Variants in ATG7 observed in about 807,000 individuals in gnomAD.
The protein encoded by ATG7 is autophagy related 7, also known as ubiquitin-like modifier-activating enzyme ATG7.
ATG7 carries 70 observed loss-of-function variants against 82.4 expected under a neutral mutation model. That is an observed-to-expected ratio of 0.85 (90% CI 0.70 to 1.04). The LOEUF is 1.04. Ranked by LOEUF, ATG7 falls within the 50% of genes least tolerant of loss-of-function variation. The pLI, the probability that ATG7 is intolerant of heterozygous loss-of-function variation, is 0.00. For synonymous variants in ATG7, 287 were observed against 313.0 expected (o/e 0.92, Z 0.88); for missense variants, 792 against 864.3 (o/e 0.92, Z 1.05).
At chr3:11,391,367 A>G (rs1451108116) in intron 19 of ATG7, among the ~76,000 whole-genome samples, 1 of 152,172 alleles carries the variant, frequency 6.6e-6, no homozygotes, top group Non-Finnish European at 1.5e-5. Flanking sequence ...ATGGGGAAGG[A>G]TGAATTCTCA....
At chr3:11,452,410 G>GAAAAAAAAAAAAAAAAAA (rs2085286455) in intron 20 of ATG7, among the ~76,000 whole-genome samples, 1 of 110,720 alleles carries the variant, frequency 9.0e-6, no homozygotes. Context: ...AAAAAAAAAG[G>GAAAAAAAAAAAAAAAAAA]AAATGTTCTG....
intron 19 of ATG7, among the ~76,000 whole-genome samples, chr3:11,417,805 A>ATTTTTTTTTTTTTTTTTTTTTTTTT (rs200364263): frequency 4.0e-4 from 21 of 52,740 alleles, no homozygotes; most frequent in South Asian, 1.4e-3. Flanking sequence ...TTATTATTTT[A>ATTTTTTTTTTTTTTTTTTTTTTTTT]TTTTATTTTA....
In ATG7 at chr3:11,299,403, A is replaced by G; in HGVS notation, c.202A>G (p.Ser68Gly). 3 of 1,611,312 alleles carry G rather than the reference A, an allele frequency of 1.9e-6. No individual in the cohort carries two copies. Among genetic ancestry groups the G allele is most frequent in the Non-Finnish European group, 8.5e-7 (1 of 1,177,446 alleles). ...GCCAGCTCGCTTAACATTGGAGTTC[A>G]GTGCTTTTGACATGTGAGTATTTAT... ...GLPARLTLEF[S>G]AFDMSAPTPA... The change falls in exon 5 of 21, where the codon AGT becomes GGT. Residue 68 changes from serine (S) to glycine (G), a missense_variant. Ser to Gly is a moderately conservative substitution (Grantham distance 56). Coordinates refer to ENST00000693202, the MANE Select transcript of ATG7 (RefSeq NM_001349232.2).
At position 11,412,010 on chromosome 3, in the gene ATG7, G is replaced by A. The variant is rs199899189; in HGVS notation, c.1957-14794G>A. Among the ~76,000 whole-genome samples, 13 of 150,004 alleles carry A rather than the reference G, an allele frequency of 8.7e-5. No homozygotes were observed. In the East Asian group the frequency reaches 9.8e-4, roughly 11 times the overall value. ...TTTTACTGAAACACCAGGGTATTCT[G>A]TCTAGGTCCTGCTGCTGCTTGGTGC... On this transcript the variant is annotated intron_variant, in intron 19 of 20. Coordinates refer to ENST00000693202, the MANE Select transcript of ATG7 (RefSeq NM_001349232.2).
intron 1 of ATG7, among the ~76,000 whole-genome samples, chr3:11,279,697 C>CA (rs1224604991): frequency 6.6e-6 from 1 of 151,640 alleles, no homozygotes; most frequent in African/African-American, 2.4e-5. Flanking sequence ...GACTCCGTCT[C>CA]AAAAAACAAA....
At chr3:11,551,162 G>A (rs774733218) in intron 20 of ATG7, among the ~76,000 whole-genome samples, 18 of 152,036 alleles carry the variant, frequency 1.2e-4, no homozygotes, top group Non-Finnish European at 1.8e-4. Flanking sequence ...TGTACTCGTC[G>A]TGTCCTGCGG....
chr3:11,469,988 CAAAAAA>C (rs10628540), intron 20 of ATG7, among the ~76,000 whole-genome samples: 25,007 of 87,518 alleles, frequency 0.29, 2,983 homozygotes, highest in Admixed American at 0.48. Context: ...GACTCCATCT[CAAAAAA>C]AAAAAAAAAA....
At chr3:11,503,755 C>CAAAAAAAAAAAAAAAAA (rs34065629) in intron 20 of ATG7, among the ~76,000 whole-genome samples, 2 of 76,964 alleles carry the variant, frequency 2.6e-5, no homozygotes, top group African/African-American at 5.1e-5. Flanking sequence ...GACTCTGTCT[C>CAAAAAAAAAAAAAAAAA]AAAAAAAAAA....
At chr3:11,290,505 TG>T (rs112240421) in intron 3 of ATG7, 1 of 341,010 alleles carries the variant, frequency 2.9e-6, no homozygotes, top group African/African-American at 2.2e-5. Context: ...TTTTTACTTT[TG>T]GTAGTGGATC....
rs182812709 is a variant in ATG7 at position 11,506,504 on chromosome 3, G to T, written c.2080-48307G>T. On this transcript the variant is annotated intron_variant, in intron 20 of 20. Transcript: ENST00000693202. ...AGGCCAAGGTGGGCAGATCACTTGA[G>T]GTCAGGAGTTTGAGACCAGCCTGGT... 2.2e-3 allele frequency among the ~76,000 whole-genome samples: 305 copies of T among 139,274 alleles called. 1 individual carries two copies. The highest frequency in any genetic ancestry group is 8.0e-3 in the African/African-American group (291 of 36,216). 91.4% of individuals were successfully genotyped at this position (139,274 alleles called of 152,430 possible). A position where few individuals can be genotyped will look rare whatever the true frequency, so the allele number is the denominator to read the frequency against.
intron 17 of ATG7, chr3:11,363,219 TAGAA>T: frequency 4.8e-6 from 1 of 209,092 alleles, no homozygotes; most frequent in South Asian, 1.1e-4. Flanking sequence ...CTAAGCACCT[TAGAA>T]ATTTTGCCTC....
chr3:11,554,817 G>T lies in ATG7; in HGVS notation c.2086G>T (p.Asp696Tyr). 1.9e-6 allele frequency: 3 copies of T among 1,613,442 alleles called. No homozygotes were observed. Among genetic ancestry groups the T allele is most frequent in the Non-Finnish European group, 2.5e-6 (3 of 1,179,762 alleles). The change falls in exon 21 of 21, where the codon GAC (aspartate) becomes TAC (tyrosine). Residue 696 changes from aspartate to tyrosine, a missense_variant. Asp to Tyr is a radical substitution (Grantham distance 160, BLOSUM62 -3). Transcript: ENST00000693202. ...TCTCCCCTTCTCCATGCAGATCTGGGACATGAGCGATGATGAGACCATCTG... is the reference window on the plus strand; with the variant it reads ...TCTCCCCTTCTCCATGCAGATCTGGTACATGAGCGATGATGAGACCATCTG... ...HQETQAAEIWDMSDDETI is the reference protein window; with the variant it reads ...HQETQAAEIWYMSDDETI
In ATG7 at chr3:11,544,715, G is replaced by A. The variant is rs78377196; in HGVS notation, c.2080-10096G>A. Reference sequence around the variant, plus strand: ...TGGGCCGAGGGGCCCGCCCTTGACTGTGTGTGTCTCAGGTATTATGGTCAC... The same window carrying A: ...TGGGCCGAGGGGCCCGCCCTTGACTATGTGTGTCTCAGGTATTATGGTCAC... On this transcript the variant is annotated intron_variant, in intron 20 of 20. Coordinates refer to ENST00000693202, the MANE Select transcript of ATG7 (RefSeq NM_001349232.2). Among the ~76,000 whole-genome samples the A allele has an allele frequency of 5.6e-4, 86 of 152,368 alleles. 1 individual carries two copies. In the East Asian group the frequency reaches 0.013, roughly 24 times the overall value.
At chr3:11,545,988 A>G (rs953710180) in intron 20 of ATG7, among the ~76,000 whole-genome samples, 2 of 152,030 alleles carry the variant, frequency 1.3e-5, no homozygotes, top group African/African-American at 4.8e-5. Flanking sequence ...AATATAAAAA[A>G]TTAGCTGGTT....
intron 9 of ATG7, among the ~76,000 whole-genome samples, chr3:11,328,138 A>G (rs1426851978): frequency 2.6e-5 from 4 of 152,228 alleles, no homozygotes; most frequent in African/African-American, 4.8e-5. Flanking sequence ...TGGGCTCACC[A>G]CTGGAGATTC....
chr3:11,530,476 T>C (rs2124973100), intron 20 of ATG7, among the ~76,000 whole-genome samples: 1 of 152,324 alleles, frequency 6.6e-6, no homozygotes, highest in Non-Finnish European at 1.5e-5. Context: ...TGGGAAATGA[T>C]GATTTGCTTT....
At chr3:11,358,375 A>G in intron 14 of ATG7, 43 bp from the exon 15 acceptor site, 5 of 1,573,726 alleles carry the variant, frequency 3.2e-6, no homozygotes, top group Non-Finnish European at 4.3e-6. Context: ...GATATTACCT[A>G]TACCATTGCT....
At chr3:11,484,991 C>T (rs2089460428) in intron 20 of ATG7, among the ~76,000 whole-genome samples, 1 of 152,108 alleles carries the variant, frequency 6.6e-6, no homozygotes, top group South Asian at 2.1e-4. Context: ...GTGAATAGTG[C>T]CGCAATAAAC....
chr3:11,393,784 G>A (rs1247528379), intron 19 of ATG7, among the ~76,000 whole-genome samples: 1 of 152,080 alleles, frequency 6.6e-6, no homozygotes, highest in East Asian at 1.9e-4. Context: ...AGGTTCAAGG[G>A]ATTCTCGTGC....
Sources: gnomAD v4.1 joint callset for allele counts (sites outside exome capture counted in the v4.1 genomes callset) on GRCh38, gnomAD v4.1.1 for gene constraint, MANE v1.5 for transcripts, NCBI Gene and HGNC (gene_info 2026-07-23, HGNC 2026-07-21) for gene names.